AADAT: variants seen among roughly 807,000 people sequenced by gnomAD.
The protein encoded by AADAT is aminoadipate aminotransferase.
AADAT carries 25 observed loss-of-function variants against 56.2 expected under a neutral mutation model. The ratio of observed to expected loss-of-function variants is 0.44; its 90% confidence interval spans 0.32 to 0.62. AADAT has a LOEUF of 0.62. Among genes scored for constraint, AADAT ranks in the 20% least tolerant of loss-of-function variants. The probability of loss-of-function intolerance (pLI) is 0.04; values close to 1 mark genes in which losing one functional copy is unlikely to be tolerated. For synonymous variants in AADAT, 173 were observed against 164.7 expected (o/e 1.05, Z -0.39); for missense variants, 387 against 510.5 (o/e 0.76, Z 2.33).
chr4:170,061,641 C>CA (rs1731194735), intron 12 of AADAT, among the ~76,000 whole-genome samples: 1 of 152,196 alleles, frequency 6.6e-6, no homozygotes, highest in Admixed American at 6.5e-5. Context: ...ACAATTTACG[C>CA]AGCTCAGTAG....
chr4:170,065,060 G>C (rs555276369), intron 10 of AADAT, among the ~76,000 whole-genome samples: 1 of 152,198 alleles, frequency 6.6e-6, no homozygotes, highest in Non-Finnish European at 1.5e-5. Context: ...GGGTGGGCAA[G>C]TGAATAGCTC....
upstream of AADAT, chr4:170,090,564 C>T (rs1449639203): frequency 6.6e-6 from 1 of 152,158 alleles, no homozygotes. Flanking sequence ...CACTCTGAGT[C>T]TCTTCAATTT....
chr4:170,077,584 C>T (rs1732099954), intron 4 of AADAT, among the ~76,000 whole-genome samples: 1 of 152,106 alleles, frequency 6.6e-6, no homozygotes, highest in African/African-American at 2.4e-5. Flanking sequence ...ATTGAATTCC[C>T]CTACTCTAAG....
At chr4:170,061,632 C>A (rs1363376372) in intron 12 of AADAT, among the ~76,000 whole-genome samples, 1 of 152,198 alleles carries the variant, frequency 6.6e-6, no homozygotes, top group Non-Finnish European at 1.5e-5. Context: ...CATAACATGA[C>A]AATTTACGCA....
chr4:170,070,565 G>C, intron 6 of AADAT, 22 bp downstream of exon 6: 1 of 1,543,954 alleles, frequency 6.5e-7, no homozygotes, highest in South Asian at 1.2e-5. Context: ...TAATAGTGAA[G>C]TAAGTTCACA....
intron 3 of AADAT, among the ~76,000 whole-genome samples, chr4:170,082,156 A>C (rs988982653): frequency 6.6e-6 from 1 of 152,214 alleles, no homozygotes; most frequent in Non-Finnish European, 1.5e-5. Flanking sequence ...TCCACTCATA[A>C]TTCTCATATG....
intron 11 of AADAT, among the ~76,000 whole-genome samples, chr4:170,062,722 T>C (rs1231435132): frequency 5.3e-5 from 8 of 152,092 alleles, no homozygotes; most frequent in Admixed American, 3.3e-4. Flanking sequence ...CGAATCCTAA[T>C]CAATGGATGT....
At chr4:170,085,803 T>G (rs1334714761) in intron 3 of AADAT, among the ~76,000 whole-genome samples, 1 of 152,194 alleles carries the variant, frequency 6.6e-6, no homozygotes, top group Non-Finnish European at 1.5e-5. Context: ...CTTTAAAAAA[T>G]GTTTTTACTA....
intron 3 of AADAT, among the ~76,000 whole-genome samples, chr4:170,080,832 C>G (rs1732260690): frequency 6.6e-6 from 1 of 152,122 alleles, no homozygotes; most frequent in African/African-American, 2.4e-5. Flanking sequence ...GCAAGCCAGA[C>G]AAATCAAACA....
intron 11 of AADAT, among the ~76,000 whole-genome samples, chr4:170,062,683 C>T (rs993795041): frequency 2.0e-5 from 3 of 152,160 alleles, no homozygotes; most frequent in Admixed American, 1.3e-4. Flanking sequence ...ATTCCCCGGC[C>T]TCTTTCTAGC....
At chr4:170,074,794 A>G (rs2111178273) in intron 4 of AADAT, among the ~76,000 whole-genome samples, 1 of 152,244 alleles carries the variant, frequency 6.6e-6, no homozygotes, top group Non-Finnish European at 1.5e-5. Flanking sequence ...CTAAGGCTGA[A>G]CTGGCTTGTA....
chr4:170,076,970 T>C (rs1177351515), intron 4 of AADAT, among the ~76,000 whole-genome samples: 1 of 152,180 alleles, frequency 6.6e-6, no homozygotes, highest in African/African-American at 2.4e-5. Flanking sequence ...AGACTATCCT[T>C]TCCCCCACTG....
intron 10 of AADAT, 58 bp downstream of exon 10, chr4:170,066,356 T>C: frequency 7.2e-7 from 1 of 1,397,770 alleles, no homozygotes. Context: ...TCAGTGTTTA[T>C]CCCCTACTTT....
intron 4 of AADAT, 90 bp from the exon 5 acceptor site, chr4:170,073,435 C>G: frequency 9.0e-7 from 1 of 1,108,668 alleles, no homozygotes; most frequent in Non-Finnish European, 1.3e-6. Flanking sequence ...TAAGAACTTG[C>G]TCATTCATAC....
At position 170,066,059 on chromosome 4, in the gene AADAT, A is replaced by C. The variant is rs553803352; in HGVS notation, c.1027+355T>G. Among the ~76,000 whole-genome samples, 16 of 152,302 alleles carry C rather than the reference A, an allele frequency of 1.1e-4. No individual in the cohort carries two copies. In the South Asian group the frequency reaches 2.9e-3, roughly 28 times the overall value. On this transcript the variant is annotated intron_variant, in intron 10 of 12. Coordinates refer to ENST00000337664, the MANE Select transcript of AADAT (RefSeq NM_016228.4). ...GTCAGTAAGACATCTGCCTTTGTAC[A>C]GCTTAGTTAGAGAAGCATGGTTTGA...
At chr4:170,085,180 A>G (rs1732495992) in intron 3 of AADAT, among the ~76,000 whole-genome samples, 1 of 152,248 alleles carries the variant, frequency 6.6e-6, no homozygotes, top group Non-Finnish European at 1.5e-5. Context: ...TGACTATATT[A>G]TCAGTAAGGC....
At chr4:170,067,424 C>T (rs1282240573) in intron 8 of AADAT, 36 bp from the exon 9 acceptor site, 4 of 1,566,454 alleles carry the variant, frequency 2.6e-6, no homozygotes, top group Non-Finnish European at 3.5e-6. Context: ...CATGTTTCAT[C>T]CCCTGAAAAT....
At chr4:170,069,396 A>T (rs1467150532) in intron 6 of AADAT, among the ~76,000 whole-genome samples, 166 bp from the exon 7 acceptor site, 1 of 152,216 alleles carries the variant, frequency 6.6e-6, no homozygotes, top group Non-Finnish European at 1.5e-5. Context: ...ACAAAGATGC[A>T]GATTCTTTTA....
chr4:170,088,583 A>T lies in AADAT; in HGVS notation c.68-19T>A, dbSNP rs372454128. The T allele has an allele frequency of 7.5e-6, 12 of 1,589,666 alleles. No individual in the cohort carries two copies. The African/African-American group carries it at 1.1e-4, about 14-fold the overall frequency. On this transcript the variant is annotated intron_variant, in intron 1 of 12. Transcript: ENST00000337664. Reference sequence around the variant, plus strand: ...ATGTCAGCTACAATACACATGGAAGAGAAGAAACAATTTCATTGAAGATTG... The same window carrying T: ...ATGTCAGCTACAATACACATGGAAGTGAAGAAACAATTTCATTGAAGATTG...
Sources: gnomAD v4.1 joint callset for allele counts (sites outside exome capture counted in the v4.1 genomes callset) on GRCh38, gnomAD v4.1.1 for gene constraint, MANE v1.5 for transcripts, NCBI Gene and HGNC (gene_info 2026-07-23, HGNC 2026-07-21) for gene names.